The following CLSPN variants were observed in gnomAD, a reference collection of about 807,000 sequenced individuals.
CLSPN encodes the protein claspin homolog.
In CLSPN, 85 loss-of-function variants were observed where a neutral mutation model predicts 156.3. The ratio of observed to expected loss-of-function variants is 0.54; its 90% CI spans 0.46 to 0.65. The LOEUF is 0.65. Among genes scored for constraint, CLSPN ranks in the 30% least tolerant of loss-of-function variants. The pLI is 0.00. For missense variants in CLSPN, 1,407 were observed against 1,554.9 expected (o/e 0.90, Z 1.60); for synonymous variants, 534 against 542.4 (o/e 0.98, Z 0.22).
At chr1:35,724,028 T>C (rs1269252918) in intron 24 of CLSPN, among the ~76,000 whole-genome samples, 1 of 151,960 alleles carries the variant, frequency 6.6e-6, no homozygotes, top group Non-Finnish European at 1.5e-5. Context: ...GCTATAACAA[T>C]GTAATGGGCC....
rs563310459 is a variant in CLSPN at position 35,747,051 on chromosome 1, G to A, written c.2628-59C>T. 3.8e-5 allele frequency: 50 copies of A among 1,307,190 alleles called. No individual in the cohort carries two copies. The African/African-American group carries it at 5.8e-4, about 15-fold the overall frequency. 81.0% of individuals were successfully genotyped at this position (1,307,190 alleles called of 1,614,324 possible). ...AAATTCCTCAGAGAGGGCCGGGTGC[G>A]GTAGCTCACGCCTGTAATCCCAGCA... On this transcript the variant is annotated intron_variant, in intron 14 of 24. Coordinates refer to ENST00000318121, the MANE Select transcript of CLSPN (RefSeq NM_022111.4).
chr1:35,737,183 C>A, intron 23 of CLSPN, 108 bp from the exon 24 acceptor site: 1 of 1,267,150 alleles, frequency 7.9e-7, no homozygotes, highest in South Asian at 1.3e-5. Context: ...TATGCCTACC[C>A]TATTCAAATA....
intron 5 of CLSPN, 79 bp downstream of exon 5, chr1:35,762,320 CAAAAT>C (rs754454815): frequency 1.1e-4 from 136 of 1,241,138 alleles, no homozygotes; most frequent in Middle Eastern, 7.7e-4. Flanking sequence ...ATATGATAGA[CAAAAT>C]AAAATATTTA....
chr1:35,737,114 GC>G lies in CLSPN; in HGVS notation c.3748-40del, dbSNP rs762280397. 3 of 1,594,046 alleles carry G rather than the reference GC, an allele frequency of 1.9e-6. No homozygotes were observed. The Admixed American group carries it at 5.1e-5, about 27-fold the overall frequency. ...AGTCATCTGGTATCAAATCCCAAGTGCCAACTAAAGAATGAAAAGTCCTTCC... is the reference window on the plus strand; with the variant it reads ...AGTCATCTGGTATCAAATCCCAAGTGCAACTAAAGAATGAAAAGTCCTTCC... On this transcript the variant is annotated intron_variant, in intron 23 of 24. Coordinates refer to ENST00000318121, the MANE Select transcript of CLSPN (RefSeq NM_022111.4).
chr1:35,733,356 T>A lies in CLSPN; in HGVS notation c.*3140A>T. ...TTTTTTTAGAGTTGGGATTTCACCA[T>A]GTTTCCCAGGCTGGTCTCGAACTCC... On this transcript the variant is annotated 3_prime_UTR_variant, in exon 25 of 25. Transcript: ENST00000318121. 1 of 257,218 alleles carries A rather than the reference T, an allele frequency of 3.9e-6. No individual in the cohort carries two copies. Among genetic ancestry groups the A allele is most frequent in the Non-Finnish European group, 6.0e-6 (1 of 167,744 alleles). 15.9% of individuals were successfully genotyped at this position (257,218 alleles called of 1,614,324 possible). A position where few individuals can be genotyped will look rare whatever the true frequency, so the allele number is the denominator to read the frequency against.
At position 35,760,895 on chromosome 1, in the gene CLSPN, G is replaced by T. The variant is rs751584952; in HGVS notation, c.1026C>A (p.Ser342Arg). The part of the protein sequence containing the change: ...ALLKSSKYQS[S>R]HHKEIIDTAN... ...CAGTGTCTATGATTTCTTTGTGATG[G>T]CTTGACTGATATTTAGATGACCTAG... Residue 342 changes from serine (S) to arginine (R), a missense_variant, in exon 8 of 25, where the codon AGC becomes AGA. Around this residue, in one of 3 missense-constraint regions of CLSPN, gnomAD observed 1,096 missense variants for 1,193.0 expected, o/e 0.92. Coordinates refer to ENST00000318121, the MANE Select transcript of CLSPN (RefSeq NM_022111.4). 1 of 1,610,582 alleles carries T rather than the reference G, an allele frequency of 6.2e-7. No individual in the cohort carries two copies. Among genetic ancestry groups the T allele is most frequent in the South Asian group, 1.1e-5 (1 of 90,736 alleles).
intron 1 of CLSPN, among the ~76,000 whole-genome samples, chr1:35,768,041 A>G (rs980815543): frequency 1.3e-5 from 2 of 152,202 alleles, no homozygotes; most frequent in African/African-American, 4.8e-5. Context: ...GTAATGTAAC[A>G]GGGCACAAGG....
intron 9 of CLSPN, among the ~76,000 whole-genome samples, chr1:35,751,926 T>G (rs1642100786): frequency 6.6e-6 from 1 of 152,214 alleles, no homozygotes; most frequent in African/African-American, 2.4e-5. Context: ...ATGCTTAATC[T>G]CACTTCTAAT....
chr1:35,759,927 G>A lies in CLSPN; in HGVS notation c.1579+415C>T, dbSNP rs548999711. Among the ~76,000 whole-genome samples, 3 of 147,482 alleles carry A rather than the reference G, an allele frequency of 2.0e-5. No individual in the cohort carries two copies. In the East Asian group the frequency reaches 6.0e-4, roughly 29 times the overall value. ...CGGCTCACTGCAACCTCTGCCTTCT[G>A]GGTTCAAGTAATTCTCCTGCCCCAG... On this transcript the variant is annotated intron_variant, in intron 8 of 24. Coordinates refer to ENST00000318121, the MANE Select transcript of CLSPN (RefSeq NM_022111.4).
chr1:35,737,190 A>C (rs1641504832), intron 23 of CLSPN, 115 bp from the exon 24 acceptor site: 1 of 1,250,106 alleles, frequency 8.0e-7, no homozygotes, highest in African/African-American at 1.5e-5. Flanking sequence ...ACCCTATTCA[A>C]ATAGAAAAGA....
At chr1:35,766,935 C>T (rs796221405) in intron 1 of CLSPN, among the ~76,000 whole-genome samples, 4 of 146,856 alleles carry the variant, frequency 2.7e-5, no homozygotes, top group East Asian at 2.1e-4. Context: ...TTTGTAGAAA[C>T]GGGGTTTCAC....
chr1:35,736,771 A>G, intron 24 of CLSPN, 143 bp downstream of exon 24: 1 of 1,298,442 alleles, frequency 7.7e-7, no homozygotes, highest in Non-Finnish European at 1.0e-6. Flanking sequence ...CGACTGGGGT[A>G]GCAATTCTCT....
rs1641975337 is a variant in CLSPN at position 35,748,572 on chromosome 1, C to T, written c.2305G>A (p.Glu769Lys). 1.9e-6 allele frequency: 3 copies of T among 1,613,984 alleles called. No homozygotes were observed. The South Asian group carries it at 3.3e-5, about 18-fold the overall frequency. Residue 769 changes from glutamate (E) to lysine (K), a missense_variant, in exon 13 of 25, where the codon GAG (glutamate) becomes AAG (lysine). Glu to Lys is a moderately conservative substitution (Grantham distance 56). Transcript: ENST00000318121. ...EDDSCSLLTK[E>K]SSHNSSFELI... Reference sequence around the variant, plus strand: ...TCAAAGCTGCTATTGTGGCTGCTCTCCTTTGTTAGCAATGAACATGAATCA... The same window carrying T: ...TCAAAGCTGCTATTGTGGCTGCTCTTCTTTGTTAGCAATGAACATGAATCA...
rs752769084 is a variant in CLSPN, at chr1:35,751,260, C to CCTT, written c.2015_2017dup (p.Glu672dup). On this transcript the variant is annotated inframe_insertion, in exon 10 of 25. Transcript: ENST00000318121. ...GTAATTGCCAGAAACCTCCTGATTT[C>CCTT]CTTCTTCTTCCTCCTCCTCTTCTTT... 1.9e-6 allele frequency: 3 copies of CCTT among 1,595,614 alleles called. No homozygotes were observed. The highest frequency in any genetic ancestry group is 1.7e-5 in the Admixed American group (1 of 59,594).
rs1239302840 is a variant in CLSPN, at chr1:35,734,286, C to T, written c.*2210G>A. 2 of 985,270 alleles carry T rather than the reference C, an allele frequency of 2.0e-6. No individual in the cohort carries two copies. The highest frequency in any genetic ancestry group is 1.7e-5 in the African/African-American group (1 of 57,360). 61.0% of individuals were successfully genotyped at this position (985,270 alleles called of 1,614,324 possible). ...GGCATTAAGATTTATTGAAAAACTA[C>T]ATACATATTAAAACATCTTTATACA... On this transcript the variant is annotated 3_prime_UTR_variant, in exon 25 of 25. Coordinates refer to ENST00000318121, the MANE Select transcript of CLSPN (RefSeq NM_022111.4).
At chr1:35,766,847 T>C (rs1287674904) in intron 1 of CLSPN, among the ~76,000 whole-genome samples, 1 of 150,396 alleles carries the variant, frequency 6.6e-6, no homozygotes, top group African/African-American at 2.4e-5. Context: ...CTCCGCCTCC[T>C]GGGTTCAAGC....
intron 1 of CLSPN, among the ~76,000 whole-genome samples, chr1:35,766,805 A>G (rs915050456): frequency 7.3e-5 from 11 of 151,238 alleles, no homozygotes; most frequent in Admixed American, 6.0e-4. Flanking sequence ...CCCAAGCTGG[A>G]GTGCAATGGC....
At chr1:35,725,636 A>C (rs1051608500) in intron 24 of CLSPN, among the ~76,000 whole-genome samples, 23 of 150,602 alleles carry the variant, frequency 1.5e-4, no homozygotes, top group Admixed American at 5.3e-4. Flanking sequence ...GGTGCCCCCC[A>C]CATGTAACCA....
At chr1:35,750,222 G>A (rs990553439) in intron 10 of CLSPN, among the ~76,000 whole-genome samples, 3 of 151,976 alleles carry the variant, frequency 2.0e-5, no homozygotes, top group African/African-American at 4.8e-5. Flanking sequence ...GCTGGGCATG[G>A]TGGCTCATGC....
Sources: allele counts gnomAD v4.1 joint callset (sites outside exome capture counted in the v4.1 genomes callset), GRCh38; gene constraint gnomAD v4.1.1; regional missense constraint gnomAD v4.1.1; transcripts MANE v1.5; gene names NCBI Gene and HGNC (gene_info 2026-07-23, HGNC 2026-07-21).